The following TRAM2 variants were observed in gnomAD, a reference collection of about 807,000 sequenced individuals.
TRAM2 encodes the protein translocation associated membrane protein 2, also known as translocating chain-associated membrane protein 2.
Under a neutral mutation model 51.0 loss-of-function variants are expected in TRAM2, and 12 were observed. The observed-to-expected ratio is 0.24, with a 90% CI of 0.15 to 0.38. The LOEUF (loss-of-function observed/expected upper bound fraction) is 0.38. TRAM2 is among the 10% of genes least tolerant of loss of function. The probability of loss-of-function intolerance (pLI) is 1.00; values close to 1 mark genes in which losing one functional copy is unlikely to be tolerated. For synonymous variants in TRAM2, 175 were observed against 179.4 expected, an observed-to-expected ratio of 0.98 and a Z score of 0.20; for missense variants, 361 against 462.0, an observed-to-expected ratio of 0.78 and a Z score of 2.00.
chr6:52,521,679 A>T (rs1472603409), intron 2 of TRAM2, among the ~76,000 whole-genome samples: 1 of 152,040 alleles, frequency 6.6e-6, no homozygotes, highest in African/African-American at 2.4e-5. Flanking sequence ...CCTGGGAGAC[A>T]GAGCGAGAGA....
chr6:52,538,133 A>C (rs2114088279), intron 1 of TRAM2, among the ~76,000 whole-genome samples: 1 of 152,364 alleles, frequency 6.6e-6, no homozygotes, highest in South Asian at 2.1e-4. Flanking sequence ...GTGAAGGAAG[A>C]TCAGAGGAGT....
At chr6:52,557,818 T>G (rs1767435557) in intron 1 of TRAM2, among the ~76,000 whole-genome samples, 1 of 152,198 alleles carries the variant, frequency 6.6e-6, no homozygotes, top group Non-Finnish European at 1.5e-5. Context: ...AAATGTGACC[T>G]GGAGCCAGTT....
intron 2 of TRAM2, among the ~76,000 whole-genome samples, chr6:52,533,382 T>C (rs780001219): frequency 3.3e-5 from 5 of 152,196 alleles, no homozygotes; most frequent in Non-Finnish European, 7.3e-5. Context: ...TTAGAACACA[T>C]AGCCCTGAGC....
chr6:52,552,428 A>G (rs1767325247), intron 1 of TRAM2, among the ~76,000 whole-genome samples: 1 of 152,224 alleles, frequency 6.6e-6, no homozygotes, highest in East Asian at 1.9e-4. Context: ...GGCTGTACAT[A>G]TATTACTAAG....
chr6:52,500,508 T>G lies in TRAM2; in HGVS notation c.*2689A>C. ...GCTGGCAAGATGCCAGCCCCACTCA[T>G]GGTCTCAGGGTTTTTTTTTGTTTTT... On this transcript the variant is annotated 3_prime_UTR_variant, in exon 11 of 11. Transcript: ENST00000182527. 1 of 147,474 alleles carries G rather than the reference T, an allele frequency of 6.8e-6. No homozygotes were observed. Among genetic ancestry groups the G allele is most frequent in the Non-Finnish European group, 1.5e-5 (1 of 67,192 alleles). The allele number at this position is 147,474 out of a possible 1,614,324, so 9.1% of individuals were successfully genotyped here. A position where few individuals can be genotyped will look rare whatever the true frequency, so the allele number is the denominator to read the frequency against.
chr6:52,526,152 G>GACACACAC lies in TRAM2; in HGVS notation c.185-9423_185-9416dup, dbSNP rs775593303. Among the ~76,000 whole-genome samples, 109 of 28,848 alleles carry GACACACAC rather than the reference G, an allele frequency of 3.8e-3. 2 individuals are homozygous for GACACACAC. Among genetic ancestry groups the GACACACAC allele is most frequent in the Non-Finnish European group, 6.0e-3 (79 of 13,172 alleles). 18.9% of individuals were successfully genotyped at this position (28,848 alleles called of 152,430 possible). A position where few individuals can be genotyped will look rare whatever the true frequency, so the allele number is the denominator to read the frequency against. Reference sequence around the variant, plus strand: ...CCATCCTAGGAAATACACACAGACAGACACACACACACACACACACACACA... The same window carrying GACACACAC: ...CCATCCTAGGAAATACACACAGACAGACACACACACACACACACACACACACACACACA... On this transcript the variant is annotated intron_variant, in intron 2 of 10. Transcript: ENST00000182527.
chr6:52,504,638 A>ACTCTCCGCTTTG lies in TRAM2; in HGVS notation c.980_991dup (p.Ala327_Arg330dup). ...GGCTGGTAGTCTGGGTGTGGCTGGG[A>ACTCTCCGCTTTG]CTCTCCGCTTTGCACTCTGCTCATT... On this transcript the variant is annotated inframe_insertion, in exon 10 of 11. Coordinates refer to ENST00000182527, the MANE Select transcript of TRAM2 (RefSeq NM_012288.4). The ACTCTCCGCTTTG allele has an allele frequency of 6.2e-7, 1 of 1,611,380 alleles. No individual in the cohort carries two copies. The highest frequency in any genetic ancestry group is 8.5e-7 in the Non-Finnish European group (1 of 1,179,540).
chr6:52,538,705 A>G (rs1361173433), intron 1 of TRAM2, among the ~76,000 whole-genome samples: 3 of 152,218 alleles, frequency 2.0e-5, no homozygotes, highest in Non-Finnish European at 4.4e-5. Flanking sequence ...AACTCCCCAG[A>G]GCATTCCAAT....
chr6:52,529,880 T>C (rs1316877543), intron 2 of TRAM2: 1 of 152,222 alleles, frequency 6.6e-6, no homozygotes, highest in Non-Finnish European at 1.5e-5. Flanking sequence ...AACTTTTCTT[T>C]TCTGGCCTTT....
intron 10 of TRAM2, among the ~76,000 whole-genome samples, chr6:52,503,850 C>G (rs1011736329): frequency 1.3e-5 from 2 of 152,198 alleles, no homozygotes; most frequent in African/African-American, 4.8e-5. Flanking sequence ...GTACTGGCTG[C>G]AGTCTTATGC....
In TRAM2 at chr6:52,506,104, A is replaced by G. The variant is rs1243324020; in HGVS notation, c.659T>C (p.Leu220Pro). 1 of 1,613,988 alleles carries G rather than the reference A, an allele frequency of 6.2e-7. No homozygotes were observed. Among genetic ancestry groups the G allele is most frequent in the East Asian group, 2.2e-5 (1 of 44,900 alleles). Reference protein sequence around the residue: ...LSRLGLILLLLQYSTEFLFHT... With the variant: ...LSRLGLILLLPQYSTEFLFHT... ...GAAGAGGAACTCAGTTGAGTACTGC[A>G]GCAGCAGCAAGATCAGGCCCAGGCG... is the stretch of plus-strand genomic sequence containing the variant. The change falls in exon 8 of 11, where the codon CTG (leucine) becomes CCG (proline). Residue 220 changes from leucine (L) to proline (P), a missense_variant. Leu to Pro is a moderately conservative substitution (Grantham distance 98). Transcript: ENST00000182527.
intron 4 of TRAM2, among the ~76,000 whole-genome samples, chr6:52,511,225 C>G (rs1398448939): frequency 1.3e-5 from 2 of 152,198 alleles, no homozygotes; most frequent in Non-Finnish European, 2.9e-5. Context: ...CGCCTCAGTC[C>G]TCCTGAGTAG....
rs1766274080 is a variant in TRAM2, at chr6:52,503,256, C to T, written c.1054G>A (p.Gly352Arg). ...IKRESGYHEN[G>R]VVKAENGTSP... Reference sequence around the variant, plus strand: ...GTTCCGTTCTCTGCCTTCACCACTCCATTTTCATGGTAACCTGGGAAGTGG... The same window carrying T: ...GTTCCGTTCTCTGCCTTCACCACTCTATTTTCATGGTAACCTGGGAAGTGG... The change falls in exon 11 of 11, where the codon GGA (glycine) becomes AGA (arginine). Residue 352 changes from glycine (G) to arginine (R), a missense_variant. Transcript: ENST00000182527. 1 of 1,613,946 alleles carries T rather than the reference C, an allele frequency of 6.2e-7. No individual in the cohort carries two copies. Among genetic ancestry groups the T allele is most frequent in the African/African-American group, 1.3e-5 (1 of 74,914 alleles).
intron 4 of TRAM2, among the ~76,000 whole-genome samples, chr6:52,510,847 GAATT>G (rs1261811051): frequency 6.6e-6 from 1 of 152,164 alleles, no homozygotes; most frequent in Admixed American, 6.6e-5. Flanking sequence ...TGCTAAAGAT[GAATT>G]TATAATCCAA....
chr6:52,520,119 T>G (rs1208089789), intron 2 of TRAM2, among the ~76,000 whole-genome samples: 1 of 152,146 alleles, frequency 6.6e-6, no homozygotes, highest in Non-Finnish European at 1.5e-5. Flanking sequence ...CATTTAGAAA[T>G]GGTTAAGATG....
chr6:52,563,505 G>A (rs9382121), intron 1 of TRAM2, among the ~76,000 whole-genome samples: 33,405 of 151,694 alleles, frequency 0.22, 3,860 homozygotes, highest in Non-Finnish European at 0.27. Flanking sequence ...GGATCACGAG[G>A]TCAGGAGATC....
chr6:52,556,493 C>A (rs936326185), intron 1 of TRAM2, among the ~76,000 whole-genome samples: 13 of 151,746 alleles, frequency 8.6e-5, no homozygotes, highest in Non-Finnish European at 1.6e-4. Context: ...TGTTGGCCAG[C>A]CTGGTCTCAA....
At chr6:52,569,732 T>G (rs897616249) in intron 1 of TRAM2, among the ~76,000 whole-genome samples, 8 of 152,042 alleles carry the variant, frequency 5.3e-5, no homozygotes, top group Non-Finnish European at 1.2e-4. Flanking sequence ...GCTACCATAC[T>G]AAGACCTCTT....
At chr6:52,535,756 G>T in intron 2 of TRAM2, 27 bp downstream of exon 2, 1 of 1,600,788 alleles carries the variant, frequency 6.2e-7, no homozygotes, top group Non-Finnish European at 8.6e-7. Context: ...ACAGGGCCAG[G>T]AGAAGATGGA....
Sources: allele counts gnomAD v4.1 joint callset (sites outside exome capture counted in the v4.1 genomes callset), GRCh38; gene constraint gnomAD v4.1.1; transcripts MANE v1.5; gene names NCBI Gene and HGNC (gene_info 2026-07-23, HGNC 2026-07-21).